Variants in COL4A2 observed in about 807,000 individuals in gnomAD.
COL4A2 encodes the protein collagen alpha-2(IV) chain.
COL4A2 carries 99 observed loss-of-function variants against 200.2 expected under a neutral mutation model. The ratio of observed to expected loss-of-function variants is 0.49; its 90% CI spans 0.42 to 0.58. The LOEUF is 0.58. Ranked by LOEUF, COL4A2 falls within the 20% of genes least tolerant of loss-of-function variation. The pLI is 0.00. For missense variants in COL4A2, 1,950 were observed against 2,314.1 expected (o/e 0.84, Z 3.23); for synonymous variants, 897 against 900.6 (o/e 1.00, Z 0.07).
intron 4 of COL4A2, among the ~76,000 whole-genome samples, chr13:110,376,718 C>T (rs9515198): frequency 0.25 from 38,139 of 151,992 alleles, 5,002 homozygotes; most frequent in East Asian, 0.38. Context: ...TCTGCAGTTG[C>T]CTCAAGCTCC....
intron 3 of COL4A2, among the ~76,000 whole-genome samples, chr13:110,323,897 A>G (rs1200410370): frequency 6.6e-6 from 1 of 152,202 alleles, no homozygotes; most frequent in South Asian, 2.1e-4. Flanking sequence ...TCACAACACA[A>G]ATCATTATGC....
rs1317550156 is a variant in COL4A2 at position 110,484,997 on chromosome 13, A to G, written c.2995A>G (p.Met999Val). Residue 999 changes from methionine to valine, a missense_variant, in exon 33 of 48, where the codon ATG (methionine) becomes GTG (valine). Around this residue, in one of 2 missense-constraint regions of COL4A2, gnomAD observed 1,385 missense variants for 1,720.5 expected, o/e 0.80. Transcript: ENST00000360467. ...IKGEKGDEGP[M>V]GLKGYLGAKG... ...AGGAGAGAAAGGAGATGAAGGGCCT[A>G]TGGGGCTGAAAGGATACCTGGGCGC... 3.1e-6 allele frequency: 5 copies of G among 1,610,784 alleles called. No individual in the cohort carries two copies. The highest frequency in any genetic ancestry group is 2.2e-5 in the South Asian group (2 of 90,808).
intron 3 of COL4A2, among the ~76,000 whole-genome samples, chr13:110,340,303 G>A (rs1876393606): frequency 6.6e-6 from 1 of 152,126 alleles, no homozygotes; most frequent in Admixed American, 6.5e-5. Context: ...TTTTAGTAGA[G>A]ATGCGGTTTC....
intron 6 of COL4A2, among the ~76,000 whole-genome samples, chr13:110,425,436 A>G (rs1880436052): frequency 6.6e-6 from 1 of 152,238 alleles, no homozygotes; most frequent in Non-Finnish European, 1.5e-5. Context: ...AACAAAAGGC[A>G]TGGTTTGTTC....
At chr13:110,401,966 T>C (rs1442401204) in intron 4 of COL4A2, among the ~76,000 whole-genome samples, 1 of 152,090 alleles carries the variant, frequency 6.6e-6, no homozygotes, top group Non-Finnish European at 1.5e-5. Flanking sequence ...CCTAATCACT[T>C]CCCAAAGGCA....
intron 3 of COL4A2, among the ~76,000 whole-genome samples, chr13:110,312,850 A>G (rs1885022569): frequency 1.3e-5 from 2 of 152,184 alleles, no homozygotes; most frequent in African/African-American, 4.8e-5. Context: ...AGGGCAAGAC[A>G]CTTTACGTGC....
At chr13:110,408,596 A>G (rs1879668563) in intron 4 of COL4A2, among the ~76,000 whole-genome samples, 1 of 152,178 alleles carries the variant, frequency 6.6e-6, no homozygotes, top group South Asian at 2.1e-4. Context: ...CGTCGGGGTC[A>G]TGGATCCTTT....
At chr13:110,507,720 A>G (rs748398664) in intron 46 of COL4A2, 27 of 595,816 alleles carry the variant, frequency 4.5e-5, no homozygotes, top group East Asian at 3.0e-4. Context: ...AACTTGTAGA[A>G]GAACAGAGCT....
chr13:110,492,400 GCTTCAC>G, intron 38 of COL4A2, among the ~76,000 whole-genome samples: 1 of 152,284 alleles, frequency 6.6e-6, no homozygotes, highest in South Asian at 2.1e-4. Context: ...TCTGCCCAGG[GCTTCAC>G]CTCCCAGAAG....
chr13:110,480,629 A>G (rs1254164689), intron 31 of COL4A2, among the ~76,000 whole-genome samples: 3 of 152,232 alleles, frequency 2.0e-5, no homozygotes, highest in African/African-American at 7.2e-5. Context: ...TGAATTTACC[A>G]AGACAAACTG....
chr13:110,320,670 A>G (rs1885252282), intron 3 of COL4A2, among the ~76,000 whole-genome samples: 1 of 148,614 alleles, frequency 6.7e-6, no homozygotes, highest in African/African-American at 2.4e-5. Context: ...TTTTATATCA[A>G]AACAGAGCAG....
intron 4 of COL4A2, among the ~76,000 whole-genome samples, chr13:110,411,702 A>G (rs902834782): frequency 6.6e-6 from 1 of 152,220 alleles, no homozygotes; most frequent in Non-Finnish European, 1.5e-5. Context: ...CAATTTGTCC[A>G]TCTGCTTTTG....
chr13:110,334,746 A>G (rs1876095649), intron 3 of COL4A2, among the ~76,000 whole-genome samples: 1 of 152,372 alleles, frequency 6.6e-6, no homozygotes, highest in East Asian at 1.9e-4. Flanking sequence ...TGCTTTGTTT[A>G]TGCAGAGCAT....
chr13:110,377,923 C>T (rs924875322), intron 4 of COL4A2, among the ~76,000 whole-genome samples: 1 of 152,278 alleles, frequency 6.6e-6, no homozygotes, highest in Admixed American at 6.5e-5. Flanking sequence ...CAAAATGTTT[C>T]TCTTATTAGC....
chr13:110,428,377 T>A, intron 6 of COL4A2, 90 bp from the exon 7 acceptor site: 1 of 756,438 alleles, frequency 1.3e-6, no homozygotes, highest in East Asian at 2.9e-5. Flanking sequence ...GGAACATGGC[T>A]TATGAGAATA....
chr13:110,350,933 C>A (rs1008232417), intron 3 of COL4A2, among the ~76,000 whole-genome samples: 1 of 152,178 alleles, frequency 6.6e-6, no homozygotes, highest in Non-Finnish European at 1.5e-5. Flanking sequence ...CTCTCTGTTT[C>A]CCTCTTATTC....
rs1881805760 is a variant in COL4A2 at position 110,457,396 on chromosome 13, C to T, written c.1393C>T (p.Pro465Ser). The change falls in exon 21 of 48, where the codon CCC becomes TCC. Residue 465 changes from proline (P) to serine (S), a missense_variant. This residue lies in a region of COL4A2 where 1,385 missense variants were observed against 1,720.5 expected (regional missense o/e 0.80). Coordinates refer to ENST00000360467, the MANE Select transcript of COL4A2 (RefSeq NM_001846.4). ...AGGAAGAGCAGGCTTCCCTGGGCTT[C>T]CCGGCTCCCCTGGAGCCCGCGGACC... is the stretch of plus-strand genomic sequence containing the variant. ...AKGRAGFPGLPGSPGARGPKG... is the reference protein window; with the variant it reads ...AKGRAGFPGLSGSPGARGPKG... 1 of 1,613,414 alleles carries T rather than the reference C, an allele frequency of 6.2e-7. No individual in the cohort carries two copies. The highest frequency in any genetic ancestry group is 8.5e-7 in the Non-Finnish European group (1 of 1,179,452).
chr13:110,395,201 C>A (rs1344065120), intron 4 of COL4A2, among the ~76,000 whole-genome samples: 2 of 152,160 alleles, frequency 1.3e-5, no homozygotes, highest in East Asian at 3.8e-4. Context: ...ATCCTTCAGG[C>A]AGGGCAACTT....
At position 110,456,966 on chromosome 13, in the gene COL4A2, G is replaced by A. The variant is rs111791213; in HGVS notation, c.1340-377G>A. 7.5e-4 allele frequency: 328 copies of A among 435,264 alleles called. 2 individuals carry two copies. The highest frequency in any genetic ancestry group is 7.4e-3 in the African/African-American group (274 of 37,110). The allele number at this position is 435,264 out of a possible 1,614,324, so 27.0% of individuals were successfully genotyped here. On this transcript the variant is annotated intron_variant, in intron 20 of 47. Transcript: ENST00000360467. ...CCTGCGTCTGCGTGGGACCCCAGGC[G>A]TCCGTGGGGCTCATGCCCTGCGTCT...
Sources: gnomAD v4.1 joint callset for allele counts (sites outside exome capture counted in the v4.1 genomes callset) on GRCh38, gnomAD v4.1.1 for gene constraint, gnomAD v4.1.1 regional missense constraint, MANE v1.5 for transcripts, NCBI Gene and HGNC (gene_info 2026-07-23, HGNC 2026-07-21) for gene names.